SARNP: variants seen among roughly 807,000 people sequenced by gnomAD.
The protein encoded by SARNP is SAP domain-containing ribonucleoprotein.
SARNP carries 5 observed loss-of-function variants against 38.1 expected under a neutral mutation model. The ratio of observed to expected loss-of-function variants is 0.13; its 90% confidence interval spans 0.07 to 0.28. The LOEUF (loss-of-function observed/expected upper bound fraction) is 0.28. Ranked by LOEUF, SARNP falls within the 10% of genes least tolerant of loss-of-function variation. The pLI, the probability that SARNP is intolerant of heterozygous loss-of-function variation, is 1.00. For missense variants in SARNP, 180 were observed against 243.9 expected (o/e 0.74, Z 1.75); for synonymous variants, 84 against 80.6 (o/e 1.04, Z -0.23).
At chr12:55,783,150 T>G (rs1339607955) in intron 9 of SARNP, among the ~76,000 whole-genome samples, 1 of 151,924 alleles carries the variant, frequency 6.6e-6, no homozygotes, top group Non-Finnish European at 1.5e-5. Context: ...CTAAGTTCTG[T>G]CCTTCACCAA....
chr12:55,769,267 A>AAATT (rs1346189191), intron 9 of SARNP, among the ~76,000 whole-genome samples: 1 of 152,148 alleles, frequency 6.6e-6, no homozygotes, highest in African/African-American at 2.4e-5. Context: ...TGTAGCCATA[A>AAATT]AATTAATTAA....
chr12:55,764,767 G>A (rs377418584), intron 9 of SARNP, among the ~76,000 whole-genome samples: 3 of 149,528 alleles, frequency 2.0e-5, no homozygotes, highest in African/African-American at 7.4e-5. Context: ...GAGAGGCGGA[G>A]GTTGCAGGGA....
At chr12:55,800,477 T>C (rs1879945220) in intron 4 of SARNP, 85 bp downstream of exon 4, 1 of 985,800 alleles carries the variant, frequency 1.0e-6, no homozygotes, top group Non-Finnish European at 1.5e-6. Flanking sequence ...TGGGAACATG[T>C]AAGAGGTAAA....
chr12:55,781,341 C>T lies in SARNP; in HGVS notation c.501+7734G>A, dbSNP rs146505397. ...ACAAAGTCAGGAGTTCGAGACCAGC[C>T]TGGTCAACATGGCGAAACCCCATCT... On this transcript the variant is annotated intron_variant, in intron 9 of 10. Transcript: ENST00000336133. 4.1e-4 allele frequency among the ~76,000 whole-genome samples: 62 copies of T among 151,956 alleles called. No homozygotes were observed. The East Asian group carries it at 0.012, about 29-fold the overall frequency.
chr12:55,787,009 G>A (rs1266072555), intron 9 of SARNP, among the ~76,000 whole-genome samples: 3 of 151,862 alleles, frequency 2.0e-5, no homozygotes, highest in African/African-American at 7.3e-5. Flanking sequence ...GCAGGAGGAT[G>A]GCTTGAGGCC....
intron 1 of SARNP, among the ~76,000 whole-genome samples, chr12:55,817,230 C>G (rs974107561): frequency 6.6e-6 from 1 of 151,962 alleles, no homozygotes; most frequent in African/African-American, 2.4e-5. Context: ...CAGAAATACA[C>G]AAAAATGCCA....
At chr12:55,808,368 G>A (rs1880219808) in intron 1 of SARNP, among the ~76,000 whole-genome samples, 2 of 151,730 alleles carry the variant, frequency 1.3e-5, no homozygotes, top group Admixed American at 1.3e-4. Flanking sequence ...GCCCAGGCTG[G>A]AGTGCAATGG....
At chr12:55,796,141 TG>T in intron 4 of SARNP, 65 bp from the exon 5 acceptor site, 1 of 1,174,500 alleles carries the variant, frequency 8.5e-7, no homozygotes, top group Non-Finnish European at 1.3e-6. Context: ...CTCAGAAATG[TG>T]TAAGAATTCA....
intron 2 of SARNP, among the ~76,000 whole-genome samples, chr12:55,802,894 T>A (rs1880023600): frequency 6.7e-6 from 1 of 148,624 alleles, no homozygotes. Flanking sequence ...ACTAGATAAC[T>A]ACACAGTCAC....
intron 1 of SARNP, among the ~76,000 whole-genome samples, chr12:55,814,293 A>G (rs1041829209): frequency 1.3e-5 from 2 of 152,226 alleles, no homozygotes; most frequent in African/African-American, 4.8e-5. Context: ...TACTTCTTAC[A>G]TGACAAAGGC....
At chr12:55,797,009 C>T (rs1293315954) in intron 4 of SARNP, among the ~76,000 whole-genome samples, 2 of 152,078 alleles carry the variant, frequency 1.3e-5, no homozygotes, top group Admixed American at 6.6e-5. Context: ...AGACAAAGTT[C>T]GGAAGTACCC....
At chr12:55,805,023 G>A (rs577594369) in intron 1 of SARNP, among the ~76,000 whole-genome samples, 2 of 152,250 alleles carry the variant, frequency 1.3e-5, no homozygotes, top group South Asian at 4.1e-4. Context: ...CAGCACTTTG[G>A]GAGGCCGAGG....
intron 4 of SARNP, among the ~76,000 whole-genome samples, chr12:55,798,278 C>T (rs1025743803): frequency 9.9e-5 from 15 of 152,128 alleles, no homozygotes; most frequent in African/African-American, 3.1e-4. Flanking sequence ...AGGTGGATCG[C>T]TTTGAGCTCA....
chr12:55,797,191 T>G (rs973003172), intron 4 of SARNP, among the ~76,000 whole-genome samples: 13 of 152,224 alleles, frequency 8.5e-5, no homozygotes, highest in Non-Finnish European at 1.2e-4. Context: ...AATGACATTT[T>G]CAGAGGAAGC....
At chr12:55,768,683 C>A (rs1290399416) in intron 9 of SARNP, among the ~76,000 whole-genome samples, 1 of 152,126 alleles carries the variant, frequency 6.6e-6, no homozygotes, top group Non-Finnish European at 1.5e-5. Flanking sequence ...CCGCCGCAGC[C>A]TCCCAAAGTG....
intron 1 of SARNP, among the ~76,000 whole-genome samples, chr12:55,816,295 C>T (rs1205692374): frequency 6.6e-6 from 1 of 152,164 alleles, no homozygotes; most frequent in African/African-American, 2.4e-5. Flanking sequence ...TATTTTATAA[C>T]AGTCCAGAAG....
intron 10 of SARNP, among the ~76,000 whole-genome samples, chr12:55,759,226 T>C (rs1188490308): frequency 2.0e-5 from 3 of 152,188 alleles, no homozygotes; most frequent in Admixed American, 2.0e-4. Context: ...CCACTGTCCT[T>C]TTCCAGAAAT....
intron 9 of SARNP, among the ~76,000 whole-genome samples, chr12:55,783,645 T>C (rs1251539955): frequency 6.6e-6 from 1 of 152,172 alleles, no homozygotes; most frequent in Non-Finnish European, 1.5e-5. Flanking sequence ...GCCTGATATG[T>C]GTATAGCATA....
intron 9 of SARNP, among the ~76,000 whole-genome samples, chr12:55,765,401 G>A (rs953401926): frequency 6.6e-6 from 1 of 152,162 alleles, no homozygotes; most frequent in Non-Finnish European, 1.5e-5. Flanking sequence ...CTGTCGTGCA[G>A]TAGCATGATC....
Sources: allele counts gnomAD v4.1 joint callset (sites outside exome capture counted in the v4.1 genomes callset), GRCh38; gene constraint gnomAD v4.1.1; transcripts MANE v1.5; gene names NCBI Gene and HGNC (gene_info 2026-07-23, HGNC 2026-07-21).